The following CSGALNACT1 variants were observed in gnomAD, a reference collection of about 807,000 sequenced individuals.
CSGALNACT1 encodes beta4GalNAcT-1.
CSGALNACT1 carries 52 observed loss-of-function variants against 51.0 expected under a neutral mutation model. The ratio of observed to expected loss-of-function variants is 1.02; its 90% CI spans 0.82 to 1.29. The LOEUF (loss-of-function observed/expected upper bound fraction) is 1.29, where lower values mean the gene tolerates loss of function less well. CSGALNACT1 is among the 50% of genes most tolerant of loss of function. The probability of loss-of-function intolerance (pLI) is 0.00; values close to 1 mark genes in which losing one functional copy is unlikely to be tolerated. For synonymous variants in CSGALNACT1, 341 were observed against 254.4 expected, an observed-to-expected ratio of 1.34 and a Z score of -3.24; for missense variants, 935 against 679.2, an observed-to-expected ratio of 1.38 and a Z score of -4.19.
intron 1 of CSGALNACT1, among the ~76,000 whole-genome samples, chr8:19,619,244 G>C (rs894913023): frequency 2.8e-5 from 4 of 141,948 alleles, no homozygotes; most frequent in African/African-American, 1.1e-4. Context: ...ATTCTAGACA[G>C]GGTCGGGGGG....
At chr8:19,447,414 G>C (rs975388525) in intron 5 of CSGALNACT1, among the ~76,000 whole-genome samples, 9 of 152,298 alleles carry the variant, frequency 5.9e-5, no homozygotes, top group Middle Eastern at 3.4e-3. Context: ...AGATAGAATG[G>C]GCAGATATGA....
intron 2 of CSGALNACT1, among the ~76,000 whole-genome samples, chr8:19,596,799 A>T (rs6586849): frequency 0.17 from 26,174 of 152,164 alleles, 3,216 homozygotes; most frequent in African/African-American, 0.36. Context: ...ATAAAAATAG[A>T]CACTTTGACT....
intron 4 of CSGALNACT1, among the ~76,000 whole-genome samples, chr8:19,476,224 C>G (rs2069583493): frequency 6.6e-6 from 1 of 152,020 alleles, no homozygotes; most frequent in Non-Finnish European, 1.5e-5. Flanking sequence ...TTTGAGTGTA[C>G]TCCCCCAGTT....
At chr8:19,553,421 T>G (rs893723840) in intron 3 of CSGALNACT1, among the ~76,000 whole-genome samples, 1 of 151,884 alleles carries the variant, frequency 6.6e-6, no homozygotes, top group Non-Finnish European at 1.5e-5. Flanking sequence ...CAGTACCTGA[T>G]AAGAAAGCAC....
intron 4 of CSGALNACT1, among the ~76,000 whole-genome samples, chr8:19,479,509 T>A (rs542414680): frequency 6.6e-6 from 1 of 152,204 alleles, no homozygotes; most frequent in Non-Finnish European, 1.5e-5. Flanking sequence ...TACTATTTAA[T>A]GGTCCTCATT....
chr8:19,432,724 A>C (rs2153730232), intron 6 of CSGALNACT1, among the ~76,000 whole-genome samples: 1 of 151,852 alleles, frequency 6.6e-6, no homozygotes, highest in Non-Finnish European at 1.5e-5. Context: ...CTGCCTTATT[A>C]ATTTTTCGTT....
At chr8:19,613,173 A>G (rs1005758495) in intron 1 of CSGALNACT1, among the ~76,000 whole-genome samples, 3 of 152,110 alleles carry the variant, frequency 2.0e-5, no homozygotes, top group Non-Finnish European at 2.9e-5. Context: ...CTATTTTTCT[A>G]TAATTCTACC....
At chr8:19,500,740 G>C (rs1034345698) in intron 4 of CSGALNACT1, among the ~76,000 whole-genome samples, 1 of 152,238 alleles carries the variant, frequency 6.6e-6, no homozygotes, top group Non-Finnish European at 1.5e-5. Flanking sequence ...ATCTCCCTGT[G>C]TCTTTGCTTT....
chr8:19,505,515 C>A, exon 4 of CSGALNACT1: 4 of 1,614,056 alleles, frequency 2.5e-6, no homozygotes, highest in Non-Finnish European at 2.5e-6. Flanking sequence ...CCTGTCCAGA[C>A]CCAGGCCAGC....
chr8:19,737,521 G>T (rs894993301), intron 1 of CSGALNACT1, among the ~76,000 whole-genome samples: 1 of 151,538 alleles, frequency 6.6e-6, no homozygotes, highest in African/African-American at 2.4e-5. Flanking sequence ...ACACACATAC[G>T]GAAAAATTTC....
chr8:19,502,527 A>G (rs1363768226), intron 4 of CSGALNACT1, among the ~76,000 whole-genome samples: 2 of 152,172 alleles, frequency 1.3e-5, no homozygotes, highest in African/African-American at 2.4e-5. Flanking sequence ...CATCTTTGTT[A>G]TACTACTACA....
upstream of CSGALNACT1, among the ~76,000 whole-genome samples, chr8:19,683,780 A>G (rs1183520363): frequency 2.6e-5 from 4 of 152,138 alleles, no homozygotes; most frequent in Admixed American, 6.5e-5. Flanking sequence ...TTCATAGTGT[A>G]ATAAATGTAA....
At chr8:19,731,155 C>A (rs1009077200) in intron 1 of CSGALNACT1, among the ~76,000 whole-genome samples, 3 of 152,150 alleles carry the variant, frequency 2.0e-5, no homozygotes, top group Admixed American at 6.5e-5. Context: ...GCCACTTTTT[C>A]ATAATGCAAC....
intron 4 of CSGALNACT1, among the ~76,000 whole-genome samples, chr8:19,486,758 C>A (rs971308064): frequency 6.6e-6 from 1 of 152,094 alleles, no homozygotes; most frequent in Non-Finnish European, 1.5e-5. Context: ...AAAGGGAATC[C>A]CCTTTACTCA....
intron 5 of CSGALNACT1, among the ~76,000 whole-genome samples, chr8:19,440,180 G>A (rs1430582507): frequency 6.6e-6 from 1 of 152,156 alleles, no homozygotes; most frequent in Non-Finnish European, 1.5e-5. Context: ...AGGCACCTCA[G>A]GTCCAATCTG....
intron 5 of CSGALNACT1, among the ~76,000 whole-genome samples, chr8:19,454,710 G>A (rs1490308697): frequency 1.3e-5 from 2 of 151,992 alleles, no homozygotes; most frequent in South Asian, 2.1e-4. Context: ...ATCAGAAGAT[G>A]AGACACAGAA....
At chr8:19,741,603 G>A (rs567675868) in intron 1 of CSGALNACT1, among the ~76,000 whole-genome samples, 1 of 151,322 alleles carries the variant, frequency 6.6e-6, no homozygotes, top group Non-Finnish European at 1.5e-5. Flanking sequence ...AAAAGAGTCG[G>A]GGAGCTGATC....
intron 1 of CSGALNACT1, among the ~76,000 whole-genome samples, chr8:19,750,205 T>C (rs2064944118): frequency 6.6e-6 from 1 of 152,220 alleles, no homozygotes. Flanking sequence ...ACACCATAGG[T>C]ACCTCTCTTG....
intron 4 of CSGALNACT1, among the ~76,000 whole-genome samples, chr8:19,474,755 C>G (rs1416551669): frequency 2.0e-5 from 3 of 151,638 alleles, no homozygotes; most frequent in Non-Finnish European, 4.4e-5. Context: ...GTAATCCCAG[C>G]TACTCAGGAG....
Sources: gnomAD v4.1 joint callset for allele counts (sites outside exome capture counted in the v4.1 genomes callset) on GRCh38, gnomAD v4.1.1 for gene constraint, MANE v1.5 for transcripts, NCBI Gene and HGNC (gene_info 2026-07-23, HGNC 2026-07-21) for gene names.